FGD5: variants seen among roughly 807,000 people sequenced by gnomAD.
FGD5 encodes the protein FYVE, RhoGEF and PH domain-containing protein 5.
In FGD5, 28 loss-of-function variants were observed where a neutral mutation model predicts 133.4. That is an observed-to-expected ratio of 0.21 (90% CI 0.16 to 0.29). The LOEUF is 0.29. Among genes scored for constraint, FGD5 ranks in the 10% least tolerant of loss-of-function variants. The pLI, the probability that FGD5 is intolerant of heterozygous loss-of-function variation, is 1.00. For missense variants in FGD5, 1,858 were observed against 1,895.2 expected (o/e 0.98, Z 0.36); for synonymous variants, 810 against 776.5 (o/e 1.04, Z -0.72).
chr3:14,924,047 G>A lies in FGD5; in HGVS notation c.3977G>A (p.Arg1326His), dbSNP rs776541198. ...ATGAGCTTCCCGCTGTCTTCACCCC[G>A]CTTCTCGGGCAGTGCCTTTTCATCC... ...VSMSFPLSSP[R>H]FSGSAFSSVF... is the part of the protein sequence containing the mutation. Residue 1326 changes from arginine (R) to histidine (H), a missense_variant, in exon 17 of 20, where the codon CGC becomes CAC. This residue lies in a region of FGD5 where 1,824 missense variants were observed against 1,848.9 expected (regional missense o/e 0.99). Coordinates refer to ENST00000285046, the MANE Select transcript of FGD5 (RefSeq NM_152536.4). The A allele has an allele frequency of 2.7e-5, 44 of 1,613,844 alleles. No homozygotes were observed. Among genetic ancestry groups the A allele is most frequent in the East Asian group, 4.5e-5 (2 of 44,884 alleles).
chr3:14,924,418 A>G (rs556367281), intron 17 of FGD5, among the ~76,000 whole-genome samples: 129 of 152,168 alleles, frequency 8.5e-4, no homozygotes, highest in Non-Finnish European at 1.5e-3. Context: ...AGCAGACTGC[A>G]CAGATCACGG....
At chr3:14,814,285 AC>A (rs1421227463), upstream of FGD5, among the ~76,000 whole-genome samples, 1 of 152,080 alleles carries the variant, frequency 6.6e-6, no homozygotes, top group Non-Finnish European at 1.5e-5. Flanking sequence ...GCCCTACCAT[AC>A]CCTAAAGCTC....
chr3:14,833,099 G>C (rs1439714370), intron 1 of FGD5, among the ~76,000 whole-genome samples: 1 of 152,192 alleles, frequency 6.6e-6, no homozygotes, highest in Non-Finnish European at 1.5e-5. Context: ...AGACTGTCCA[G>C]CCTTCCACAG....
chr3:14,835,002 T>G (rs1476747952), intron 1 of FGD5, among the ~76,000 whole-genome samples: 3 of 152,150 alleles, frequency 2.0e-5, no homozygotes, highest in Non-Finnish European at 4.4e-5. Context: ...GCAGGAAAAC[T>G]GAGGCTTTGA....
chr3:14,890,381 A>C (rs2029870328), intron 4 of FGD5, among the ~76,000 whole-genome samples: 1 of 152,216 alleles, frequency 6.6e-6, no homozygotes, highest in African/African-American at 2.4e-5. Flanking sequence ...CTGAGGGCAG[A>C]AGTGCATCTC....
intron 4 of FGD5, among the ~76,000 whole-genome samples, chr3:14,893,564 T>A (rs2038071916): frequency 1.3e-5 from 2 of 152,140 alleles, no homozygotes; most frequent in Non-Finnish European, 2.9e-5. Flanking sequence ...CCCAGGCTAG[T>A]CTTGAACTCC....
chr3:14,910,973 C>T, intron 11 of FGD5, 44 bp downstream of exon 11: 3 of 1,575,782 alleles, frequency 1.9e-6, no homozygotes, highest in Non-Finnish European at 2.6e-6. Flanking sequence ...CTGCCAAGTT[C>T]TATGAGGTTT....
intron 4 of FGD5, among the ~76,000 whole-genome samples, chr3:14,893,752 C>CTTTTTTTTTTTTTTTTTTTTTTTTTT (rs138741627): frequency 4.2e-5 from 4 of 95,052 alleles, no homozygotes; most frequent in African/African-American, 8.8e-5. Context: ...TTTCTTTTTT[C>CTTTTTTTTTTTTTTTTTTTTTTTTTT]TTTTTTTTTT....
intron 9 of FGD5, among the ~76,000 whole-genome samples, chr3:14,906,046 G>C (rs187112836): frequency 1.8e-3 from 278 of 152,248 alleles, no homozygotes; most frequent in Non-Finnish European, 3.5e-3. Flanking sequence ...TGACTGCCAG[G>C]CTTCATGCTT....
At chr3:14,918,724 C>G (rs1345365578) in intron 12 of FGD5, 30 bp from the exon 13 acceptor site, 2 of 1,611,886 alleles carry the variant, frequency 1.2e-6, no homozygotes, top group Non-Finnish European at 1.7e-6. Context: ...CCCTGCCCCA[C>G]CCTGAAGGAG....
chr3:14,919,313 C>T (rs1393692902), intron 13 of FGD5, among the ~76,000 whole-genome samples: 3 of 152,178 alleles, frequency 2.0e-5, no homozygotes, highest in African/African-American at 7.2e-5. Context: ...TTAGTCCATT[C>T]AGGCCACTAT....
In FGD5 at chr3:14,922,340, C is replaced by A; in HGVS notation, c.3670-71C>A. Reference sequence around the variant, plus strand: ...CCCTGCACAGAGACGCAGGGCAGGGCTCACTGGGCTCTGCATCTGGCTGGT... The same window carrying A: ...CCCTGCACAGAGACGCAGGGCAGGGATCACTGGGCTCTGCATCTGGCTGGT... On this transcript the variant is annotated intron_variant, in intron 14 of 19. Coordinates refer to ENST00000285046, the MANE Select transcript of FGD5 (RefSeq NM_152536.4). The surrounding 1 kb of genome is among the most constrained non-coding windows in gnomAD (Gnocchi z 4.1). 1 of 1,541,354 alleles carries A rather than the reference C, an allele frequency of 6.5e-7. No homozygotes were observed. Among genetic ancestry groups the A allele is most frequent in the Non-Finnish European group, 8.8e-7 (1 of 1,140,320 alleles).
chr3:14,893,124 T>C lies in FGD5; in HGVS notation c.2749-4385T>C, dbSNP rs185381284. 3.7e-3 allele frequency among the ~76,000 whole-genome samples: 563 copies of C among 152,314 alleles called. 5 individuals are homozygous for C. Among genetic ancestry groups the C allele is most frequent in the African/African-American group, 0.013 (541 of 41,570 alleles). ...ATGCAAGAGCAAATGTATTTGAAGA[T>C]AAAATATTTTTCTTGTGAGAAAGAA... is the stretch of plus-strand genomic sequence containing the variant. On this transcript the variant is annotated intron_variant, in intron 4 of 19. Coordinates refer to ENST00000285046, the MANE Select transcript of FGD5 (RefSeq NM_152536.4).
chr3:14,905,227 G>A (rs1158664136), intron 9 of FGD5, among the ~76,000 whole-genome samples: 1 of 152,102 alleles, frequency 6.6e-6, no homozygotes, highest in Non-Finnish European at 1.5e-5. Flanking sequence ...ATCGTTTCTG[G>A]TGGAAAGTCT....
chr3:14,902,438 C>G (rs2038258010), intron 9 of FGD5, among the ~76,000 whole-genome samples: 1 of 152,076 alleles, frequency 6.6e-6, no homozygotes, highest in Admixed American at 6.6e-5. Context: ...TTCAGAGAGC[C>G]ACCTGCTAGG....
chr3:14,849,088 A>G (rs1559479125), intron 1 of FGD5, among the ~76,000 whole-genome samples: 3 of 152,326 alleles, frequency 2.0e-5, no homozygotes, highest in East Asian at 1.9e-4. Flanking sequence ...TGTGTGCACT[A>G]TCACGTGTCT....
intron 11 of FGD5, among the ~76,000 whole-genome samples, chr3:14,913,985 C>A (rs1248329040): frequency 6.6e-6 from 1 of 152,174 alleles, no homozygotes; most frequent in Non-Finnish European, 1.5e-5. Context: ...ACATCTCCTT[C>A]CCTCAGGGAT....
intron 2 of FGD5, among the ~76,000 whole-genome samples, chr3:14,878,406 A>C (rs1193304503): frequency 2.6e-5 from 4 of 151,922 alleles, no homozygotes; most frequent in Non-Finnish European, 1.5e-5. Flanking sequence ...CCTTTCCCTT[A>C]CTCGATTCTA....
rs576447631 is a variant in FGD5, at chr3:14,893,335, T to TTTTA, written c.2749-4159_2749-4156dup. Among the ~76,000 whole-genome samples, 50 of 152,174 alleles carry TTTTA rather than the reference T, an allele frequency of 3.3e-4. No homozygotes were observed. The South Asian group carries it at 9.6e-3, about 29-fold the overall frequency. On this transcript the variant is annotated intron_variant, in intron 4 of 19. Transcript: ENST00000285046. Reference sequence around the variant, plus strand: ...CATTCAAATTATTCTCTTCTGGTTATTTTATTTATTTATTTATTATGTATT... The same window carrying TTTTA: ...CATTCAAATTATTCTCTTCTGGTTATTTTATTTATTTATTTATTTATTATGTATT...
Sources: gnomAD v4.1 joint callset for allele counts (sites outside exome capture counted in the v4.1 genomes callset) on GRCh38, gnomAD v4.1.1 for gene constraint, gnomAD v4.1.1 regional missense constraint, Gnocchi (gnomAD v3.1) non-coding constraint, MANE v1.5 for transcripts, NCBI Gene and HGNC (gene_info 2026-07-23, HGNC 2026-07-21) for gene names.